MGMT: variants seen among roughly 807,000 people sequenced by gnomAD.
MGMT encodes methylated-DNA--protein-cysteine methyltransferase.
Under a neutral mutation model 15.9 loss-of-function variants are expected in MGMT, and 14 were observed. That is an observed-to-expected ratio of 0.88 (90% CI 0.58 to 1.37). The LOEUF is 1.37. Among genes scored for constraint, MGMT ranks in the 40% most tolerant of loss-of-function variants. The pLI is 0.00. For synonymous variants in MGMT, 130 were observed against 118.2 expected, an observed-to-expected ratio of 1.10 and a Z score of -0.65; for missense variants, 282 against 268.1, an observed-to-expected ratio of 1.05 and a Z score of -0.36.
rs367652857 is a variant in MGMT, at chr10:129,563,050, G to A, written c.125+26673G>A. On this transcript the variant is annotated intron_variant, in intron 2 of 4. Transcript: ENST00000651593. ...CACCACTTTATTATAAAATAGGCTC[G>A]TGTTCACTGATGCTGCCCAACTGTA... Among the ~76,000 whole-genome samples, 352 of 152,284 alleles carry A rather than the reference G, an allele frequency of 2.3e-3. 1 individual carries two copies. Among genetic ancestry groups the A allele is most frequent in the African/African-American group, 7.9e-3 (329 of 41,552 alleles).
intron 1 of MGMT, among the ~76,000 whole-genome samples, chr10:129,521,402 A>C (rs913807386): frequency 1.3e-5 from 2 of 152,152 alleles, no homozygotes; most frequent in Non-Finnish European, 2.9e-5. Flanking sequence ...GCTCACTGCA[A>C]TTCAGAGACC....
intron 2 of MGMT, among the ~76,000 whole-genome samples, chr10:129,620,598 C>T (rs58589246): frequency 0.025 from 3,733 of 152,296 alleles, 104 homozygotes; most frequent in African/African-American, 0.066. Context: ...TATCTCCAGC[C>T]ATTTTTCTTA....
At chr10:129,596,701 A>C (rs184077710) in intron 2 of MGMT, among the ~76,000 whole-genome samples, 173 of 152,374 alleles carry the variant, frequency 1.1e-3, no homozygotes, top group South Asian at 2.5e-3. Flanking sequence ...CAAGATATGC[A>C]GAAATACATT....
chr10:129,513,727 G>A (rs1377174190), intron 1 of MGMT, among the ~76,000 whole-genome samples: 1 of 152,206 alleles, frequency 6.6e-6, no homozygotes, highest in African/African-American at 2.4e-5. Context: ...ACAAGGGAAG[G>A]CCATGATGCA....
At chr10:129,565,318 A>G (rs1021018763) in intron 2 of MGMT, among the ~76,000 whole-genome samples, 1 of 152,052 alleles carries the variant, frequency 6.6e-6, no homozygotes. Flanking sequence ...AGTGAAAGAC[A>G]CAGTCTACCC....
At chr10:129,696,791 ACAGCCCTCCTGGG>A (rs912649832) in intron 2 of MGMT, among the ~76,000 whole-genome samples, 1 of 152,176 alleles carries the variant, frequency 6.6e-6, no homozygotes, top group Non-Finnish European at 1.5e-5. Flanking sequence ...GCTCACTGGA[ACAGCCCTCCTGGG>A]CAGCCCTTGG....
intron 2 of MGMT, among the ~76,000 whole-genome samples, chr10:129,688,612 A>T (rs915630244): frequency 1.3e-5 from 2 of 152,134 alleles, no homozygotes; most frequent in African/African-American, 4.8e-5. Context: ...AGATGGGTAG[A>T]TTGCAAAAAT....
chr10:129,574,064 T>G (rs776375229), intron 2 of MGMT, among the ~76,000 whole-genome samples: 1 of 152,202 alleles, frequency 6.6e-6, no homozygotes, highest in African/African-American at 2.4e-5. Flanking sequence ...CTATTAAGTT[T>G]AGGGATTGAT....
chr10:129,487,042 G>A (rs1158159742), intron 1 of MGMT, among the ~76,000 whole-genome samples: 2 of 152,182 alleles, frequency 1.3e-5, no homozygotes, highest in Non-Finnish European at 2.9e-5. Flanking sequence ...AACTAGGGCT[G>A]TCTTTTGTCC....
chr10:129,754,646 C>T (rs11597422), intron 3 of MGMT, among the ~76,000 whole-genome samples: 36,862 of 152,222 alleles, frequency 0.24, 4,517 homozygotes, highest in Middle Eastern at 0.3. Flanking sequence ...GGGCTCACAG[C>T]TCTGGAGGCT....
intron 2 of MGMT, among the ~76,000 whole-genome samples, chr10:129,596,812 T>C (rs530146964): frequency 8.1e-4 from 123 of 152,296 alleles, no homozygotes; most frequent in Admixed American, 1.6e-3. Context: ...CTTCTTGCAT[T>C]GAGTCTTATC....
chr10:129,632,407 A>G (rs1847220060), intron 2 of MGMT, among the ~76,000 whole-genome samples: 1 of 152,216 alleles, frequency 6.6e-6, no homozygotes, highest in Non-Finnish European at 1.5e-5. Flanking sequence ...GATCCGGGTC[A>G]CAAGGGAAGA....
intron 2 of MGMT, among the ~76,000 whole-genome samples, chr10:129,631,524 T>C (rs1235254657): frequency 6.6e-6 from 1 of 152,192 alleles, no homozygotes. Context: ...AAATAAAGTA[T>C]AAAGAAATTA....
chr10:129,728,168 C>G (rs1030936351), intron 3 of MGMT, among the ~76,000 whole-genome samples: 2 of 151,946 alleles, frequency 1.3e-5, no homozygotes, highest in African/African-American at 4.8e-5. Flanking sequence ...ACAAGGGGGA[C>G]CTGAAGCAGC....
At chr10:129,511,562 G>A (rs1283997229) in intron 1 of MGMT, among the ~76,000 whole-genome samples, 1 of 152,206 alleles carries the variant, frequency 6.6e-6, no homozygotes, top group Non-Finnish European at 1.5e-5. Flanking sequence ...AACACTGATG[G>A]CACCCAAAGT....
chr10:129,765,393 C>T (rs1414502259), intron 4 of MGMT, among the ~76,000 whole-genome samples: 1 of 152,194 alleles, frequency 6.6e-6, no homozygotes, highest in African/African-American at 2.4e-5. Context: ...GAGTCCCCTG[C>T]GGTGGCCATG....
intron 1 of MGMT, among the ~76,000 whole-genome samples, chr10:129,515,964 TCATC>T (rs1380983650): frequency 6.6e-6 from 1 of 152,226 alleles, no homozygotes; most frequent in East Asian, 1.9e-4. Flanking sequence ...GAGACGGTGA[TCATC>T]CAGGGAACAG....
chr10:129,570,213 G>A (rs1846401292), intron 2 of MGMT, among the ~76,000 whole-genome samples: 1 of 152,236 alleles, frequency 6.6e-6, no homozygotes, highest in African/African-American at 2.4e-5. Flanking sequence ...AGAATCAAAG[G>A]CTTTGAGTAG....
intron 2 of MGMT, among the ~76,000 whole-genome samples, chr10:129,692,524 T>A (rs1847981170): frequency 6.6e-6 from 1 of 152,146 alleles, no homozygotes; most frequent in Admixed American, 6.5e-5. Context: ...GCCAGTTTGG[T>A]ATGTGGAGGC....
Sources: allele counts gnomAD v4.1 joint callset (sites outside exome capture counted in the v4.1 genomes callset), GRCh38; gene constraint gnomAD v4.1.1; transcripts MANE v1.5; gene names NCBI Gene and HGNC (gene_info 2026-07-23, HGNC 2026-07-21).